Variants in RBPJ observed in about 807,000 individuals in gnomAD.
The protein encoded by RBPJ is recombining binding protein suppressor of hairless.
A neutral mutation model predicts 67.8 loss-of-function variants in RBPJ; 9 were observed. The ratio of observed to expected loss-of-function variants is 0.13; its 90% confidence interval spans 0.08 to 0.23. The LOEUF is 0.23. RBPJ is among the 10% of genes least tolerant of loss of function. RBPJ has a pLI of 1.00. For missense variants in RBPJ, 305 were observed against 595.6 expected (o/e 0.51, Z 5.08); for synonymous variants, 198 against 203.3 (o/e 0.97, Z 0.22).
chr4:26,346,020 C>CAA (rs773996936), intron 1 of RBPJ, among the ~76,000 whole-genome samples: 1 of 151,528 alleles, frequency 6.6e-6, no homozygotes, highest in African/African-American at 2.4e-5. Flanking sequence ...GAAATTAAAA[C>CAA]ACACACACAC....
chr4:26,404,778 C>T (rs554902663), intron 2 of RBPJ, among the ~76,000 whole-genome samples: 1 of 152,260 alleles, frequency 6.6e-6, no homozygotes, highest in Non-Finnish European at 1.5e-5. Flanking sequence ...GTTATTGATG[C>T]CTTTATTCAC....
chr4:26,426,838 G>A (rs1316520999), intron 7 of RBPJ, among the ~76,000 whole-genome samples: 1 of 152,192 alleles, frequency 6.6e-6, no homozygotes, highest in African/African-American at 2.4e-5. Flanking sequence ...GAGCTGGAGC[G>A]GAGGGAGGAG....
At chr4:26,253,312 T>C (rs968000734) in intron 1 of RBPJ, among the ~76,000 whole-genome samples, 16 of 143,156 alleles carry the variant, frequency 1.1e-4, no homozygotes, top group South Asian at 4.5e-4. Context: ...TATTTCTTTT[T>C]TTTTTTTTTT....
intron 1 of RBPJ, among the ~76,000 whole-genome samples, chr4:26,171,326 T>C (rs1412218845): frequency 3.3e-5 from 5 of 150,868 alleles, no homozygotes; most frequent in Admixed American, 3.3e-4. Context: ...AAGGTGTCAC[T>C]GTACAGTATA....
intron 2 of RBPJ, among the ~76,000 whole-genome samples, chr4:26,400,770 C>T (rs1032371564): frequency 2.6e-5 from 4 of 152,130 alleles, no homozygotes; most frequent in African/African-American, 4.8e-5. Context: ...AAGGAAAAGA[C>T]GAGGAAAACC....
At chr4:26,165,872 C>A (rs947949404) in intron 1 of RBPJ, among the ~76,000 whole-genome samples, 1 of 130,428 alleles carries the variant, frequency 7.7e-6, no homozygotes, top group Non-Finnish European at 1.6e-5. Context: ...CCCCCTCCCC[C>A]CACCCCACAA....
intron 1 of RBPJ, among the ~76,000 whole-genome samples, chr4:26,304,745 A>G (rs1043205747): frequency 1.3e-5 from 2 of 148,232 alleles, no homozygotes; most frequent in Non-Finnish European, 3.0e-5. Context: ...TACTAGACCC[A>G]TTTCACATAT....
intron 2 of RBPJ, among the ~76,000 whole-genome samples, chr4:26,404,398 T>C (rs1474354851): frequency 6.6e-6 from 1 of 152,206 alleles, no homozygotes; most frequent in African/African-American, 2.4e-5. Context: ...TCATCACCTG[T>C]TATGGGGTAA....
At chr4:26,418,062 T>C (rs1734764951) in intron 4 of RBPJ, among the ~76,000 whole-genome samples, 1 of 152,250 alleles carries the variant, frequency 6.6e-6, no homozygotes, top group African/African-American at 2.4e-5. Context: ...AACACTCTTG[T>C]GTTTTTCTTA....
At chr4:26,235,992 C>A (rs1041967960) in intron 1 of RBPJ, among the ~76,000 whole-genome samples, 2 of 152,206 alleles carry the variant, frequency 1.3e-5, no homozygotes, top group Non-Finnish European at 2.9e-5. Context: ...TATCCACAAC[C>A]AGGTAGATGA....
rs56655194 is a variant in RBPJ, at chr4:26,324,401, A to AGTGT, written c.20+3375_20+3378dup. Among the ~76,000 whole-genome samples the AGTGT allele has an allele frequency of 4.3e-3, 638 of 150,080 alleles. 5 individuals are homozygous for AGTGT. Among genetic ancestry groups the AGTGT allele is most frequent in the East Asian group, 0.028 (142 of 5,106 alleles). On this transcript the variant is annotated intron_variant, in intron 1 of 10. Coordinates refer to ENST00000355476, the MANE Select transcript of RBPJ (RefSeq NM_015874.6). ...ATTACAGGGTGATGTGTCGTGTGTG[A>AGTGT]GTGTGTGTGTGTGTGTGTGTGTGTG...
the RBPJ span, among the ~76,000 whole-genome samples, chr4:26,151,832 CA>C: frequency 6.6e-6 from 1 of 152,214 alleles, no homozygotes; most frequent in African/African-American, 2.4e-5. Flanking sequence ...TTTTTCTTCG[CA>C]AATAAGTTTT....
rs1425952477 is a variant in RBPJ at position 26,426,335 on chromosome 4, GT to G, written c.747+1596del. Among the ~76,000 whole-genome samples, 4 of 152,098 alleles carry G rather than the reference GT, an allele frequency of 2.6e-5. No homozygotes were observed. In the East Asian group the frequency reaches 7.7e-4, roughly 29 times the overall value. ...AAGACAGACCCAAATTTAAAACAAT[GT>G]TTTCATTTACAGTTGTTTGTAAAGT... On this transcript the variant is annotated intron_variant, in intron 7 of 10. Transcript: ENST00000355476.
At chr4:26,250,897 T>C (rs1720087660) in intron 1 of RBPJ, among the ~76,000 whole-genome samples, 1 of 152,216 alleles carries the variant, frequency 6.6e-6, no homozygotes. Flanking sequence ...TATTCCATCG[T>C]GTGATGTGAG....
intron 1 of RBPJ, among the ~76,000 whole-genome samples, chr4:26,230,315 C>A (rs182973631): frequency 6.6e-6 from 1 of 152,236 alleles, no homozygotes; most frequent in African/African-American, 2.4e-5. Context: ...AGGCAAACTT[C>A]GGTTTTAACT....
At chr4:26,184,465 G>A (rs554149710) in intron 1 of RBPJ, among the ~76,000 whole-genome samples, 1 of 152,230 alleles carries the variant, frequency 6.6e-6, no homozygotes, top group South Asian at 2.1e-4. Flanking sequence ...CTGAAGGCAG[G>A]CCAAGGTGAT....
At chr4:26,319,130 A>C (rs1722777585), upstream of RBPJ, among the ~76,000 whole-genome samples, 1 of 151,772 alleles carries the variant, frequency 6.6e-6, no homozygotes, top group Non-Finnish European at 1.5e-5. Context: ...CCGACTCTGG[A>C]GGCTGTCTGT....
intron 1 of RBPJ, among the ~76,000 whole-genome samples, chr4:26,358,610 CAAAAAAAA>C (rs771623602): frequency 7.0e-5 from 3 of 43,124 alleles, no homozygotes; most frequent in Non-Finnish European, 1.5e-4. Flanking sequence ...CCCATCTCTG[CAAAAAAAA>C]AAAAAAAAAA....
At chr4:26,402,488 CT>C (rs1732939108) in intron 2 of RBPJ, among the ~76,000 whole-genome samples, 1 of 152,216 alleles carries the variant, frequency 6.6e-6, no homozygotes, top group African/African-American at 2.4e-5. Context: ...CATATGGCCT[CT>C]CATTTTACGA....
Sources: allele counts gnomAD v4.1 joint callset (sites outside exome capture counted in the v4.1 genomes callset), GRCh38; gene constraint gnomAD v4.1.1; transcripts MANE v1.5; gene names NCBI Gene and HGNC (gene_info 2026-07-23, HGNC 2026-07-21).